Variants in EPC2 observed in about 807,000 individuals in gnomAD.
The protein encoded by EPC2 is enhancer of polycomb 2.
Under a neutral mutation model 92.1 loss-of-function variants are expected in EPC2, and 14 were observed. The observed-to-expected ratio is 0.15, with a 90% CI of 0.10 to 0.24. The LOEUF (loss-of-function observed/expected upper bound fraction) is 0.24, where lower values mean the gene tolerates loss of function less well. Among genes scored for constraint, EPC2 ranks in the 10% least tolerant of loss-of-function variants. EPC2 has a pLI of 1.00. For missense variants in EPC2, 755 were observed against 971.5 expected, an observed-to-expected ratio of 0.78 and a Z score of 2.96; for synonymous variants, 340 against 334.7, an observed-to-expected ratio of 1.02 and a Z score of -0.17.
chr2:148,760,778 A>C (rs1328009252), intron 4 of EPC2, among the ~76,000 whole-genome samples: 1 of 152,220 alleles, frequency 6.6e-6, no homozygotes, highest in Admixed American at 6.5e-5. Context: ...AACTATACAC[A>C]AAAGAAAAAG....
chr2:148,772,065 C>A (rs1011180945), intron 10 of EPC2, among the ~76,000 whole-genome samples: 4 of 152,140 alleles, frequency 2.6e-5, no homozygotes, highest in Admixed American at 2.0e-4. Flanking sequence ...TCCCAAAGTG[C>A]TAGGATTACA....
chr2:148,709,051 A>G (rs1348498171), intron 2 of EPC2, among the ~76,000 whole-genome samples: 3 of 152,216 alleles, frequency 2.0e-5, no homozygotes, highest in Non-Finnish European at 4.4e-5. Flanking sequence ...GAGGAAGTCA[A>G]ATTGTCCCTG....
chr2:148,723,180 T>C (rs140247653), intron 2 of EPC2, among the ~76,000 whole-genome samples: 2,393 of 152,228 alleles, frequency 0.016, 37 homozygotes, highest in Non-Finnish European at 0.02. Context: ...AATAAAAGTT[T>C]AAGAAAAAAA....
At chr2:148,774,601 T>C (rs1683587538) in intron 10 of EPC2, among the ~76,000 whole-genome samples, 1 of 140,948 alleles carries the variant, frequency 7.1e-6, no homozygotes, top group Non-Finnish European at 1.5e-5. Context: ...GGTGAGACCC[T>C]GACTCAAAAA....
chr2:148,683,994 T>G (rs1681463139), intron 1 of EPC2, among the ~76,000 whole-genome samples: 1 of 152,224 alleles, frequency 6.6e-6, no homozygotes, highest in African/African-American at 2.4e-5. Context: ...TGTAAAAGTG[T>G]TCCTTTTTAC....
chr2:148,651,101 T>C (rs1326174852), intron 1 of EPC2, among the ~76,000 whole-genome samples: 1 of 152,174 alleles, frequency 6.6e-6, no homozygotes, highest in Non-Finnish European at 1.5e-5. Context: ...AGGTGATTCA[T>C]TGCATGTCAT....
At chr2:148,667,153 C>T (rs1187223081) in intron 1 of EPC2, among the ~76,000 whole-genome samples, 2 of 152,128 alleles carry the variant, frequency 1.3e-5, no homozygotes, top group Non-Finnish European at 2.9e-5. Context: ...GGATGGGCCA[C>T]GTTATTAACA....
At chr2:148,680,376 A>G (rs1341055077) in intron 1 of EPC2, among the ~76,000 whole-genome samples, 1 of 152,234 alleles carries the variant, frequency 6.6e-6, no homozygotes, top group East Asian at 1.9e-4. Context: ...CTCATTCAAC[A>G]GTTCTCAATA....
At chr2:148,754,556 T>C (rs1187695507) in intron 4 of EPC2, among the ~76,000 whole-genome samples, 1 of 152,190 alleles carries the variant, frequency 6.6e-6, no homozygotes, top group Non-Finnish European at 1.5e-5. Flanking sequence ...CTACTATTCC[T>C]TGTTGCTCGC....
At chr2:148,706,283 A>G (rs1341795150) in intron 2 of EPC2, among the ~76,000 whole-genome samples, 1 of 151,230 alleles carries the variant, frequency 6.6e-6, no homozygotes, top group East Asian at 1.9e-4. Flanking sequence ...GAAATGAAGC[A>G]AGAAGTTTAG....
At chr2:148,750,769 CTT>C (rs965739648) in intron 3 of EPC2, among the ~76,000 whole-genome samples, 9 of 152,040 alleles carry the variant, frequency 5.9e-5, no homozygotes, top group African/African-American at 2.2e-4. Context: ...TCATTTAACT[CTT>C]TTTGAATTTA....
intron 2 of EPC2, among the ~76,000 whole-genome samples, chr2:148,711,095 A>C (rs1169580631): frequency 6.6e-6 from 1 of 151,364 alleles, no homozygotes; most frequent in African/African-American, 2.4e-5. Context: ...CAGTTTGATT[A>C]ATTTCTCCTC....
chr2:148,644,997 T>C lies in EPC2; in HGVS notation c.-21T>C. 6.7e-7 allele frequency: 1 copy of C among 1,492,730 alleles called. No individual in the cohort carries two copies. The highest frequency in any genetic ancestry group is 9.0e-7 in the Non-Finnish European group (1 of 1,111,644). 92.5% of individuals were successfully genotyped at this position (1,492,730 alleles called of 1,614,324 possible). On this transcript the variant is annotated 5_prime_UTR_variant, in exon 1 of 14. Transcript: ENST00000258484. The stretch of plus-strand genomic sequence containing the variant: ...CGCCCCGCCGCCGCCGCCCGGGCTG[T>C]TCCTGTAAGGCGGGGAGACAATGAG...
intron 1 of EPC2, among the ~76,000 whole-genome samples, chr2:148,681,710 GTTTGTTTC>G (rs1180503710): frequency 5.9e-5 from 9 of 151,906 alleles, no homozygotes; most frequent in African/African-American, 1.7e-4. Flanking sequence ...TTGTTTGTTT[GTTTGTTTC>G]TTTCTTTCTT....
chr2:148,688,418 G>C (rs975265844), intron 1 of EPC2, among the ~76,000 whole-genome samples: 6 of 152,044 alleles, frequency 3.9e-5, no homozygotes, highest in African/African-American at 1.2e-4. Flanking sequence ...GTTGTGGGAT[G>C]GGGGGAGGGG....
In EPC2 at chr2:148,733,651, A is replaced by G. The variant is rs550204455; in HGVS notation, c.314-9971A>G. Among the ~76,000 whole-genome samples, 119 of 151,598 alleles carry G rather than the reference A, an allele frequency of 7.8e-4. 1 individual carries two copies. Among genetic ancestry groups the G allele is most frequent in the Non-Finnish European group, 1.3e-3 (90 of 67,828 alleles). On this transcript the variant is annotated intron_variant, in intron 2 of 13. Coordinates refer to ENST00000258484, the MANE Select transcript of EPC2 (RefSeq NM_015630.4). The stretch of plus-strand genomic sequence containing the variant: ...TAGCTGGTACTACAGGCTTAACGCC[A>G]CTGCCCCCAGCTGTTTTTTTGTAGT...
chr2:148,784,347 G>GC (rs1251601417), intron 12 of EPC2, among the ~76,000 whole-genome samples: 1 of 152,124 alleles, frequency 6.6e-6, no homozygotes, highest in Non-Finnish European at 1.5e-5. Context: ...TAATATTCAT[G>GC]CATGTGTACA....
At chr2:148,768,126 T>C (rs1683451492) in intron 7 of EPC2, among the ~76,000 whole-genome samples, 1 of 152,136 alleles carries the variant, frequency 6.6e-6, no homozygotes, top group Non-Finnish European at 1.5e-5. Flanking sequence ...AGAAAACATT[T>C]TTCCTCTCGA....
intron 10 of EPC2, among the ~76,000 whole-genome samples, chr2:148,774,616 A>T (rs78108886): frequency 0.17 from 24,701 of 141,890 alleles, 2,867 homozygotes; most frequent in East Asian, 0.46. Context: ...CAAAAAAAAA[A>T]ATATATTTTA....
Sources: gnomAD v4.1 joint callset for allele counts (sites outside exome capture counted in the v4.1 genomes callset) on GRCh38, gnomAD v4.1.1 for gene constraint, MANE v1.5 for transcripts, NCBI Gene and HGNC (gene_info 2026-07-23, HGNC 2026-07-21) for gene names.